Variants in SPTAN1 observed in about 807,000 individuals in gnomAD.
The protein encoded by SPTAN1 is spectrin alpha, non-erythrocytic 1.
SPTAN1 carries 61 observed loss-of-function variants against 331.3 expected under a neutral mutation model. That is an observed-to-expected ratio of 0.18 (90% confidence interval 0.15 to 0.23). The LOEUF (loss-of-function observed/expected upper bound fraction) is 0.23. SPTAN1 is among the 10% of genes least tolerant of loss of function. The probability of loss-of-function intolerance (pLI) is 1.00; values close to 1 mark genes in which losing one functional copy is unlikely to be tolerated. For missense variants in SPTAN1, 2,043 were observed against 3,147.9 expected (o/e 0.65, Z 8.40); for synonymous variants, 1,153 against 1,173.9 (o/e 0.98, Z 0.36).
chr9:128,589,229 A>T (rs1853097828), intron 21 of SPTAN1, among the ~76,000 whole-genome samples: 1 of 151,740 alleles, frequency 6.6e-6, no homozygotes, highest in Non-Finnish European at 1.5e-5. Context: ...TGTCCTGTCA[A>T]GCCAAAGTTT....
intron 24 of SPTAN1, among the ~76,000 whole-genome samples, chr9:128,597,304 T>G (rs1287594223): frequency 6.6e-6 from 1 of 152,194 alleles, no homozygotes; most frequent in Non-Finnish European, 1.5e-5. Flanking sequence ...ACACCTGGCC[T>G]CATCACATTT....
rs755166792 is a variant in SPTAN1, at chr9:128,613,476, T to C, written c.5139T>C (p.Ser1713=). ...ATCAACTGCTGGAAGCAGATATATC[T>C]GCCCATGAGGTAAGCAAAGGGAGGC... ...KKHQLLEADI[S]AHEDRLKDLN... is the part of the protein sequence containing the mutation. Residue 1713 remains serine, a synonymous_variant, in exon 40 of 57, where the codon TCT becomes TCC. Coordinates refer to ENST00000372739, the MANE Select transcript of SPTAN1 (RefSeq NM_001130438.3). 8 of 1,613,994 alleles carry C rather than the reference T, an allele frequency of 5.0e-6. No individual in the cohort carries two copies. The Admixed American group carries it at 1.0e-4, about 20-fold the overall frequency.
At chr9:128,623,044 C>T (rs1274121625) in intron 45 of SPTAN1, among the ~76,000 whole-genome samples, 2 of 151,722 alleles carry the variant, frequency 1.3e-5, no homozygotes, top group Non-Finnish European at 2.9e-5. Context: ...AGCTACTGTA[C>T]CCAGCCAATT....
At chr9:128,618,399 C>T (rs1487731806) in intron 43 of SPTAN1, among the ~76,000 whole-genome samples, 1 of 152,036 alleles carries the variant, frequency 6.6e-6, no homozygotes, top group Non-Finnish European at 1.5e-5. Flanking sequence ...GAAATCAAGA[C>T]ATGAGAGTCT....
intron 39 of SPTAN1, among the ~76,000 whole-genome samples, chr9:128,612,614 A>G (rs914139059): frequency 3.3e-5 from 5 of 152,200 alleles, no homozygotes; most frequent in Non-Finnish European, 5.9e-5. Context: ...AATGTTTGGA[A>G]AGCACAGACT....
In SPTAN1 at chr9:128,593,008, A is replaced by G. The variant is rs1369204255; in HGVS notation, c.3181A>G (p.Ser1061Gly). The change falls in exon 23 of 57, where the codon AGT (serine) becomes GGT (glycine). Residue 1061 changes from serine to glycine, a missense_variant. Physicochemically the swap from Ser to Gly is moderately conservative, Grantham distance 56 (BLOSUM62 0). Around this residue, in one of 12 missense-constraint regions of SPTAN1, gnomAD observed 1,038 missense variants for 1,531.5 expected, o/e 0.68. Coordinates refer to ENST00000372739, the MANE Select transcript of SPTAN1 (RefSeq NM_001130438.3). ...GACACGCATAACTAAGGAGGCCGGCAGTGTATCTCTGCGTATGAAGCAGGT... is the reference window on the plus strand; with the variant it reads ...GACACGCATAACTAAGGAGGCCGGCGGTGTATCTCTGCGTATGAAGCAGGT... ...NQTRITKEAGSVSLRMKQVEE... is the reference protein window; with the variant it reads ...NQTRITKEAGGVSLRMKQVEE... 6.8e-6 allele frequency: 11 copies of G among 1,610,314 alleles called. No individual in the cohort carries two copies. Among genetic ancestry groups the G allele is most frequent in the African/African-American group, 1.3e-5 (1 of 74,890 alleles).
intron 43 of SPTAN1, among the ~76,000 whole-genome samples, chr9:128,618,433 T>A (rs914288185): frequency 6.6e-6 from 1 of 151,954 alleles, no homozygotes; most frequent in Non-Finnish European, 1.5e-5. Flanking sequence ...GGGTGATTCA[T>A]GATGTTCCAT....
At chr9:128,612,083 C>CT in intron 38 of SPTAN1, 26 bp from the exon 39 acceptor site, 1 of 1,614,078 alleles carries the variant, frequency 6.2e-7, no homozygotes, top group African/African-American at 1.3e-5. Context: ...GATTTCATCT[C>CT]TTTTTGGCTC....
At chr9:128,604,651 G>A (rs3793450) in intron 29 of SPTAN1, among the ~76,000 whole-genome samples, 1 of 152,224 alleles carries the variant, frequency 6.6e-6, no homozygotes, top group Non-Finnish European at 1.5e-5. Flanking sequence ...ATTTTTTTAG[G>A]CTGGGCGTGG....
In SPTAN1 at chr9:128,568,774, A is replaced by G; in HGVS notation, c.240A>G (p.Gly80=). 2 of 1,614,104 alleles carry G rather than the reference A, an allele frequency of 1.2e-6. No individual in the cohort carries two copies. The highest frequency in any genetic ancestry group is 2.2e-5 in the East Asian group (1 of 44,886). The change falls in exon 3 of 57, where the codon GGA becomes GGG. Residue 80 remains glycine (G), a splice_region_variant and synonymous_variant. Transcript: ENST00000372739. ...ENYKDPTNLQ[G]KLQKHQAFEA... Reference sequence around the variant, plus strand: ...CTCACTTCAAGGTCCGCCAACAGGGAAAGCTTCAGAAGCATCAAGCATTTG... The same window carrying G: ...CTCACTTCAAGGTCCGCCAACAGGGGAAGCTTCAGAAGCATCAAGCATTTG...
At position 128,625,376 on chromosome 9, in the gene SPTAN1, G is replaced by T. The variant is rs1026772746; in HGVS notation, c.6069+197G>T. On this transcript the variant is annotated intron_variant, in intron 47 of 56. Transcript: ENST00000372739. The surrounding 1 kb of genome is among the most constrained non-coding windows in gnomAD (Gnocchi z 4.1). ...GAACCAGGCATCTCTGCAGCAGCCT[G>T]CTGGGTGCTGACGGGACTGGGCACT... 6.6e-6 allele frequency among the ~76,000 whole-genome samples: 1 copy of T among 152,244 alleles called. No homozygotes were observed. The highest frequency in any genetic ancestry group is 1.5e-5 in the Non-Finnish European group (1 of 68,048).
At position 128,617,986 on chromosome 9, in the gene SPTAN1, G is replaced by A; in HGVS notation, c.5479-1G>A. ...TTAACCTCCTCGTCCTTGCCTGTCAGGGTGTCCTGGACACTGGCAAGAAGC... is the reference window on the plus strand; with the variant it reads ...TTAACCTCCTCGTCCTTGCCTGTCAAGGTGTCCTGGACACTGGCAAGAAGC... On this transcript the variant is annotated splice_acceptor_variant, in intron 42 of 56. Transcript: ENST00000372739. LOFTEE classifies it high-confidence loss of function. 6.2e-7 allele frequency: 1 copy of A among 1,614,176 alleles called. No homozygotes were observed. The highest frequency in any genetic ancestry group is 2.2e-5 in the East Asian group (1 of 44,880).
chr9:128,601,143 C>G (rs1233958883), intron 27 of SPTAN1, among the ~76,000 whole-genome samples: 1 of 151,370 alleles, frequency 6.6e-6, no homozygotes, highest in Admixed American at 6.6e-5. Context: ...ACCACCATGC[C>G]TCCTAATTTT....
intron 1 of SPTAN1, among the ~76,000 whole-genome samples, chr9:128,557,003 C>G (rs1848708904): frequency 6.6e-6 from 1 of 152,198 alleles, no homozygotes; most frequent in South Asian, 2.1e-4. Context: ...TGGTAATAGG[C>G]TGGCATCCTA....
Position 128,618,011 on chromosome 9 carries a change from C to G in SPTAN1, c.5503C>G (p.Leu1835Val), listed in dbSNP as rs752364883. Residue 1835 changes from leucine to valine, a missense_variant, in exon 43 of 57, where the codon CTG becomes GTG. Coordinates refer to ENST00000372739, the MANE Select transcript of SPTAN1 (RefSeq NM_001130438.3). ...IQGVLDTGKK[L>V]SDDNTIGKEE... The stretch of plus-strand genomic sequence containing the variant: ...GGGTGTCCTGGACACTGGCAAGAAG[C>G]TGTCCGATGACAACACCATCGGGAA... 5.6e-6 allele frequency: 9 copies of G among 1,614,164 alleles called. No homozygotes were observed. Among genetic ancestry groups the G allele is most frequent in the Non-Finnish European group, 7.6e-6 (9 of 1,180,020 alleles).
chr9:128,599,321 G>A (rs2131455693), intron 26 of SPTAN1: 1 of 364,804 alleles, frequency 2.7e-6, no homozygotes, highest in South Asian at 2.3e-5. Context: ...TTTTAGTAGA[G>A]ATGGGGTTTC....
intron 3 of SPTAN1, 81 bp from the exon 4 acceptor site, chr9:128,574,594 A>G (rs1851093023): frequency 1.3e-6 from 2 of 1,546,134 alleles, no homozygotes; most frequent in African/African-American, 1.4e-5. Flanking sequence ...TAAGGTCTCT[A>G]ACTTGTCTAA....
chr9:128,604,231 A>G, intron 28 of SPTAN1, 95 bp from the exon 29 acceptor site: 1 of 1,216,698 alleles, frequency 8.2e-7, no homozygotes, highest in Non-Finnish European at 1.2e-6. Flanking sequence ...TATATGCCCT[A>G]GCATCTCCTT....
Position 128,607,596 on chromosome 9 carries a change from G to A in SPTAN1, c.4047-8G>A. 2 of 1,612,896 alleles carry A rather than the reference G, an allele frequency of 1.2e-6. No individual in the cohort carries two copies. The highest frequency in any genetic ancestry group is 1.7e-6 in the Non-Finnish European group (2 of 1,178,988). ...TAATAGCTATTTTTCTGGGGTGCTGGTTTCCAGGGACCTCATGTCTTGGAT... is the reference window on the plus strand; with the variant it reads ...TAATAGCTATTTTTCTGGGGTGCTGATTTCCAGGGACCTCATGTCTTGGAT... On this transcript the variant is annotated splice_region_variant and splice_polypyrimidine_tract_variant and intron_variant, in intron 31 of 56. Coordinates refer to ENST00000372739, the MANE Select transcript of SPTAN1 (RefSeq NM_001130438.3).
Sources: gnomAD v4.1 joint callset for allele counts (sites outside exome capture counted in the v4.1 genomes callset) on GRCh38, gnomAD v4.1.1 for gene constraint, gnomAD v4.1.1 regional missense constraint, Gnocchi (gnomAD v3.1) non-coding constraint, MANE v1.5 for transcripts, NCBI Gene and HGNC (gene_info 2026-07-23, HGNC 2026-07-21) for gene names.